Variants in PCDHA4 observed in about 807,000 individuals in gnomAD.
PCDHA4 encodes the protein protocadherin alpha-4.
Under a neutral mutation model 61.4 loss-of-function variants are expected in PCDHA4, and 49 were observed. That is an observed-to-expected ratio of 0.80 (90% CI 0.63 to 1.01). The LOEUF (loss-of-function observed/expected upper bound fraction) is 1.01. PCDHA4 is among the 50% of genes least tolerant of loss of function. The pLI is 0.00. For missense variants in PCDHA4, 1,254 were observed against 1,235.8 expected, an observed-to-expected ratio of 1.01 and a Z score of -0.22; for synonymous variants, 590 against 550.3, an observed-to-expected ratio of 1.07 and a Z score of -1.01.
intron 1 of PCDHA4, among the ~76,000 whole-genome samples, chr5:140,941,983 A>G (rs2093212614): frequency 6.6e-6 from 1 of 152,198 alleles, no homozygotes; most frequent in Non-Finnish European, 1.5e-5. Context: ...CTAAACCTTG[A>G]TAAGGGATTC....
intron 3 of PCDHA4, among the ~76,000 whole-genome samples, chr5:141,005,079 T>TTAGTACTTTACA (rs1375552328): frequency 3.3e-5 from 5 of 152,356 alleles, no homozygotes; most frequent in Non-Finnish European, 7.3e-5. Flanking sequence ...AGGATCAAGC[T>TTAGTACTTTACA]TAGTACTTTA....
At chr5:140,844,880 C>A (rs1779593021) in intron 1 of PCDHA4, among the ~76,000 whole-genome samples, 2 of 149,342 alleles carry the variant, frequency 1.3e-5, no homozygotes, top group South Asian at 4.2e-4. Context: ...ACCCATTAGA[C>A]TTCGTGCATA....
chr5:140,920,039 G>A (rs185914290), intron 1 of PCDHA4, among the ~76,000 whole-genome samples: 1 of 152,280 alleles, frequency 6.6e-6, no homozygotes, highest in Non-Finnish European at 1.5e-5. Flanking sequence ...TTGGAGTGAT[G>A]TCAACAGCCA....
chr5:140,985,170 C>T (rs1465909141), intron 3 of PCDHA4, among the ~76,000 whole-genome samples: 12 of 152,168 alleles, frequency 7.9e-5, no homozygotes, highest in African/African-American at 2.9e-4. Flanking sequence ...ATCTCCTGAC[C>T]TCGTAATCCG....
In PCDHA4 at chr5:140,823,746, G is replaced by A. The variant is rs1554129586; in HGVS notation, c.2385+14174G>A. On this transcript the variant is annotated intron_variant, in intron 1 of 3. Transcript: ENST00000530339. ...TGGTGAAGGACCATGGAGAGCCCCC[G>A]CTGACAGCCACAGCCACAGTGCTGG... 6 of 1,613,840 alleles carry A rather than the reference G, an allele frequency of 3.7e-6. No homozygotes were observed. The East Asian group carries it at 6.7e-5, about 18-fold the overall frequency.
At chr5:140,892,592 C>T (rs1053889046) in intron 1 of PCDHA4, among the ~76,000 whole-genome samples, 2 of 152,214 alleles carry the variant, frequency 1.3e-5, no homozygotes, top group Admixed American at 6.5e-5. Context: ...TATTCATTCA[C>T]CTATTTTTTT....
At chr5:140,813,628 C>T (rs1765347118) in intron 1 of PCDHA4, 1 of 151,940 alleles carries the variant, frequency 6.6e-6, no homozygotes, top group Admixed American at 6.6e-5. Context: ...ATGTGAAGGC[C>T]CAGGACATTA....
Position 140,883,458 on chromosome 5 carries a change from T to G in PCDHA4, c.2385+73886T>G, listed in dbSNP as rs1315500498. ...TTGACGCCGCATGTCCCCTTCAAGC[T>G]GGTGTCCACCTACAAGAACTACTAC... On this transcript the variant is annotated intron_variant, in intron 1 of 3. Coordinates refer to ENST00000530339, the MANE Select transcript of PCDHA4 (RefSeq NM_018907.4). 13 of 1,614,058 alleles carry G rather than the reference T, an allele frequency of 8.1e-6. No individual in the cohort carries two copies. Among genetic ancestry groups the G allele is most frequent in the Non-Finnish European group, 1.1e-5 (13 of 1,180,042 alleles).
At chr5:140,939,603 CAG>C (rs2092419919) in intron 1 of PCDHA4, among the ~76,000 whole-genome samples, 2 of 152,068 alleles carry the variant, frequency 1.3e-5, no homozygotes, top group Non-Finnish European at 2.9e-5. Flanking sequence ...TGCTCAAAAA[CAG>C]AACAAGGAGA....
In PCDHA4 at chr5:140,857,966, G is replaced by C. The variant is rs1212933789; in HGVS notation, c.2385+48394G>C. 1.9e-6 allele frequency: 3 copies of C among 1,596,950 alleles called. No individual in the cohort carries two copies. The highest frequency in any genetic ancestry group is 1.1e-5 in the South Asian group (1 of 90,498). ...TACGACGCGCGCTCTGGATGAGACT[G>C]ACTCGCCACGCCAGCGCCTACTGGT... is the stretch of plus-strand genomic sequence containing the variant. On this transcript the variant is annotated intron_variant, in intron 1 of 3. Transcript: ENST00000530339.
At chr5:140,966,794 G>T in intron 1 of PCDHA4, 1 of 1,533,558 alleles carries the variant, frequency 6.5e-7, no homozygotes. Context: ...CAGACCTGCG[G>T]CGACAGAGCA....
intron 1 of PCDHA4, among the ~76,000 whole-genome samples, chr5:140,977,927 T>G (rs1214119079): frequency 6.6e-6 from 1 of 152,180 alleles, no homozygotes; most frequent in Non-Finnish European, 1.5e-5. Context: ...TTCATTCAAC[T>G]ATACCTCAAT....
intron 1 of PCDHA4, chr5:140,858,108 C>A (rs781859966): frequency 3.1e-6 from 5 of 1,597,590 alleles, no homozygotes; most frequent in Non-Finnish European, 4.3e-6. Context: ...GGCGTGGCGC[C>A]CGAGGTGGCC....
chr5:140,986,566 TTA>T (rs782155316), intron 3 of PCDHA4, among the ~76,000 whole-genome samples: 3 of 152,114 alleles, frequency 2.0e-5, no homozygotes, highest in Non-Finnish European at 4.4e-5. Context: ...TTGTTATCTG[TTA>T]TTGGTTTTTC....
At chr5:140,843,585 C>A in intron 1 of PCDHA4, 2 of 1,596,014 alleles carry the variant, frequency 1.3e-6, no homozygotes, top group East Asian at 2.2e-5. Context: ...CAACAACAGC[C>A]GCAGAGGGTG....
chr5:140,876,378 T>G (rs1554168503), intron 1 of PCDHA4: 1 of 1,613,948 alleles, frequency 6.2e-7, no homozygotes. Flanking sequence ...CAGGTGAAAT[T>G]AGAATTTATG....
intron 1 of PCDHA4, chr5:140,870,730 C>T: frequency 1.4e-5 from 23 of 1,613,398 alleles, no homozygotes; most frequent in Non-Finnish European, 1.9e-5. Context: ...GGGCGTGCCG[C>T]CTCTGAGCAG....
chr5:140,838,387 G>A (rs1554137061), intron 1 of PCDHA4, among the ~76,000 whole-genome samples: 1 of 150,594 alleles, frequency 6.6e-6, no homozygotes, highest in African/African-American at 2.5e-5. Context: ...GCCTCCCAAT[G>A]TGCTGGGATT....
At chr5:140,876,323 T>C (rs1554168484) in intron 1 of PCDHA4, 1 of 1,614,000 alleles carries the variant, frequency 6.2e-7, no homozygotes, top group Middle Eastern at 1.6e-4. Context: ...ATCAAAATGA[T>C]TTTGCCAGTG....
Sources: gnomAD v4.1 joint callset for allele counts (sites outside exome capture counted in the v4.1 genomes callset) on GRCh38, gnomAD v4.1.1 for gene constraint, MANE v1.5 for transcripts, NCBI Gene and HGNC (gene_info 2026-07-23, HGNC 2026-07-21) for gene names.